KIF24: variants seen among roughly 807,000 people sequenced by gnomAD.
KIF24 encodes kinesin-like protein KIF24.
Under a neutral mutation model 118.9 loss-of-function variants are expected in KIF24, and 81 were observed. That is an observed-to-expected ratio of 0.68 (90% CI 0.57 to 0.82). The LOEUF (loss-of-function observed/expected upper bound fraction) is 0.82. Ranked by LOEUF, KIF24 falls within the 40% of genes least tolerant of loss-of-function variation. The pLI is 0.00. For missense variants in KIF24, 1,560 were observed against 1,661.6 expected (o/e 0.94, Z 1.06); for synonymous variants, 599 against 610.0 (o/e 0.98, Z 0.27).
chr9:34,257,527 G>A lies in KIF24; in HGVS notation c.2080C>T (p.Leu694=). The A allele has an allele frequency of 6.2e-7, 1 of 1,614,084 alleles. No homozygotes were observed. Among genetic ancestry groups the A allele is most frequent in the Admixed American group, 1.7e-5 (1 of 60,036 alleles). Residue 694 remains leucine (L), a synonymous_variant, in exon 11 of 13, where the codon CTA becomes TTA. Coordinates refer to ENST00000402558, the MANE Select transcript of KIF24 (RefSeq NM_194313.4). The part of the protein sequence containing the change: ...ESRASGPGEG[L]VRGKLSTKCK... The stretch of plus-strand genomic sequence containing the variant: ...TTGGTGGACAGCTTACCACGCACTA[G>A]GCCTTCTCCTGGGCCTGAGGCCCTG...
Position 34,290,159 on chromosome 9 carries a change from A to C in KIF24, c.1127+15T>G. 1 of 1,492,458 alleles carries C rather than the reference A, an allele frequency of 6.7e-7. No homozygotes were observed. The highest frequency in any genetic ancestry group is 9.3e-7 in the Non-Finnish European group (1 of 1,071,218). The allele number at this position is 1,492,458 out of a possible 1,614,324, so 92.5% of individuals were successfully genotyped here. On this transcript the variant is annotated intron_variant, in intron 5 of 12. Coordinates refer to ENST00000402558, the MANE Select transcript of KIF24 (RefSeq NM_194313.4). The stretch of plus-strand genomic sequence containing the variant: ...GCGATGAACAGATTTATCGCTTCCC[A>C]CTCATATTCAGTACCTTTTTCTTCT...
rs1040731595 is a variant in KIF24 at position 34,257,066 on chromosome 9, G to A, written c.2541C>T (p.Thr847=). Residue 847 remains threonine, a synonymous_variant, in exon 11 of 13, where the codon ACC becomes ACT. Transcript: ENST00000402558. ...SSQRATKQRN[T]LENSEDSFFL... is the part of the protein sequence containing the mutation. ...AGAATGAGTCTTCGCTATTCTCCAG[G>A]GTGTTCCTTTGCTTTGTGGCCCTCT... 2 of 1,613,982 alleles carry A rather than the reference G, an allele frequency of 1.2e-6. No individual in the cohort carries two copies. The highest frequency in any genetic ancestry group is 1.7e-6 in the Non-Finnish European group (2 of 1,179,896).
intron 8 of KIF24, among the ~76,000 whole-genome samples, chr9:34,268,342 T>C (rs1017636387): frequency 6.6e-6 from 1 of 151,878 alleles, no homozygotes; most frequent in Non-Finnish European, 1.5e-5. Flanking sequence ...TTTTGGTTAT[T>C]TTTAGTAGAG....
At position 34,260,008 on chromosome 9, in the gene KIF24, TG is replaced by T. The variant is rs556714873; in HGVS notation, c.1516-304del. Among the ~76,000 whole-genome samples the T allele has an allele frequency of 9.9e-4, 151 of 152,258 alleles. 1 individual carries two copies. Among genetic ancestry groups the T allele is most frequent in the African/African-American group, 3.2e-3 (134 of 41,546 alleles). On this transcript the variant is annotated intron_variant, in intron 9 of 12. Coordinates refer to ENST00000402558, the MANE Select transcript of KIF24 (RefSeq NM_194313.4). ...AAATGAGTACTCTTCTACGCTAGCA[TG>T]TACCATGAACTGGACAAGCTTTCCA...
At chr9:34,307,860 G>GAAAAAAAAAAA (rs57149308) in intron 2 of KIF24, among the ~76,000 whole-genome samples, 1 of 113,988 alleles carries the variant, frequency 8.8e-6, no homozygotes, top group Non-Finnish European at 1.7e-5. Flanking sequence ...GACTCTGTCT[G>GAAAAAAAAAAA]AAAAAAAAAA....
In KIF24 at chr9:34,255,052, G is replaced by T; in HGVS notation, c.3966+20C>A. ...GGCTAATTCCCAACAGCCTGTGAGT[G>T]TCCAGCCAGGGCTACTTACATTAGA... On this transcript the variant is annotated intron_variant, in intron 12 of 12. Coordinates refer to ENST00000402558, the MANE Select transcript of KIF24 (RefSeq NM_194313.4). 6.6e-7 allele frequency: 1 copy of T among 1,517,052 alleles called. No individual in the cohort carries two copies. Among genetic ancestry groups the T allele is most frequent in the Non-Finnish European group, 9.0e-7 (1 of 1,109,938 alleles). The allele number at this position is 1,517,052 out of a possible 1,614,324, so 94.0% of individuals were successfully genotyped here.
chr9:34,298,915 C>T (rs1430784821), intron 3 of KIF24, among the ~76,000 whole-genome samples: 1 of 151,918 alleles, frequency 6.6e-6, no homozygotes, highest in Non-Finnish European at 1.5e-5. Context: ...TGAAAAATCA[C>T]AGTAATTTGG....
rs1837395727 is a variant in KIF24 at position 34,318,339 on chromosome 9, A to G, written c.-25-6968T>C. The G allele has an allele frequency of 2.8e-5, 12 of 425,102 alleles. No individual in the cohort carries two copies. Among genetic ancestry groups the G allele is most frequent in the South Asian group, 2.3e-4 (12 of 52,812 alleles). The allele number at this position is 425,102 out of a possible 1,614,324, so 26.3% of individuals were successfully genotyped here. On this transcript the variant is annotated intron_variant, in intron 1 of 12. Transcript: ENST00000402558. The surrounding 1 kb of genome is among the most constrained non-coding windows in gnomAD (Gnocchi z 4.9). ...TCTTGGAGCCAGCCCAGCCCAACCCAGCCCAACCCAGCTTGACCTAGCCCT... is the reference window on the plus strand; with the variant it reads ...TCTTGGAGCCAGCCCAGCCCAACCCGGCCCAACCCAGCTTGACCTAGCCCT...
upstream of KIF24, among the ~76,000 whole-genome samples, chr9:34,331,644 G>A (rs974489674): frequency 1.3e-5 from 2 of 152,138 alleles, no homozygotes; most frequent in African/African-American, 4.8e-5. Flanking sequence ...AATTTTCACC[G>A]TGGTCTTGGT....
upstream of KIF24, among the ~76,000 whole-genome samples, chr9:34,330,757 C>T (rs1047813530): frequency 6.6e-6 from 1 of 152,018 alleles, no homozygotes; most frequent in Non-Finnish European, 1.5e-5. Flanking sequence ...GTCAGGAGAT[C>T]GAGACCATCC....
intron 6 of KIF24, among the ~76,000 whole-genome samples, chr9:34,280,832 G>T (rs555017828): frequency 1.1e-3 from 162 of 152,174 alleles, no homozygotes; most frequent in Middle Eastern, 0.01. Flanking sequence ...CTTAGAAAAA[G>T]ATATATACCA....
At chr9:34,293,652 T>TGCA (rs1836344400) in intron 4 of KIF24, among the ~76,000 whole-genome samples, 1 of 152,032 alleles carries the variant, frequency 6.6e-6, no homozygotes, top group African/African-American at 2.4e-5. Flanking sequence ...GGCGGGCACC[T>TGCA]GCAGTCCCAG....
chr9:34,257,289 T>G lies in KIF24; in HGVS notation c.2318A>C (p.Gln773Pro). ...HLRFYHQQFQ[Q>P]PPLLQQKLKY... ...TAACTTCTGTTGGAGGAGAGGTGGCTGTTGGAACTGCTGGTGATAGAAACG... is the reference window on the plus strand; with the variant it reads ...TAACTTCTGTTGGAGGAGAGGTGGCGGTTGGAACTGCTGGTGATAGAAACG... Residue 773 changes from glutamine to proline, a missense_variant, in exon 11 of 13, where the codon CAG becomes CCG. By Grantham distance (76) the Gln-to-Pro change is moderately conservative (BLOSUM62 -1). Transcript: ENST00000402558. 1 of 1,614,070 alleles carries G rather than the reference T, an allele frequency of 6.2e-7. No homozygotes were observed.
Position 34,318,813 on chromosome 9 carries a change from C to T in KIF24, c.-25-7442G>A. The T allele has an allele frequency of 6.4e-7, 1 of 1,572,784 alleles. No individual in the cohort carries two copies. The highest frequency in any genetic ancestry group is 1.3e-5 in the African/African-American group (1 of 74,378). On this transcript the variant is annotated intron_variant, in intron 1 of 12. Transcript: ENST00000402558. This position sits in a 1 kb window ranked among gnomAD's most constrained non-coding sequence, Gnocchi z 4.9. The stretch of plus-strand genomic sequence containing the variant: ...AAGCTGTGCAGTCGCCTGTAGGGAC[C>T]CAGCTCAGTGAGTTTCGCTGATGAC...
At chr9:34,286,501 T>C in intron 6 of KIF24, 116 bp downstream of exon 6, 3 of 678,562 alleles carry the variant, frequency 4.4e-6, no homozygotes, top group Admixed American at 2.4e-5. Context: ...AGTGGTGGGC[T>C]TGTCATTGCC....
At position 34,256,804 on chromosome 9, in the gene KIF24, G is replaced by C; in HGVS notation, c.2803C>G (p.Leu935Val). 6.2e-7 allele frequency: 1 copy of C among 1,613,980 alleles called. No individual in the cohort carries two copies. Residue 935 changes from leucine (L) to valine (V), a missense_variant, in exon 11 of 13, where the codon CTG becomes GTG. This residue lies in a region of KIF24 where 591 missense variants were observed against 655.6 expected (regional missense o/e 0.90). Coordinates refer to ENST00000402558, the MANE Select transcript of KIF24 (RefSeq NM_194313.4). ...TSSGPSPRDS[L>V]AEKPYCSQVD... ...TGTGAACAGTATGGCTTCTCTGCCA[G>C]GCTGTCTCTGGGAGAAGGCCCTGAG...
intron 4 of KIF24, among the ~76,000 whole-genome samples, chr9:34,291,113 C>T (rs1291486341): frequency 1.3e-5 from 2 of 152,068 alleles, no homozygotes. Context: ...CGAGAAATAA[C>T]AGGAGATCAT....
At chr9:34,297,540 A>T (rs565338282) in intron 3 of KIF24, among the ~76,000 whole-genome samples, 22 of 152,284 alleles carry the variant, frequency 1.4e-4, no homozygotes, top group African/African-American at 5.1e-4. Flanking sequence ...AGGCCAGCAG[A>T]TCACAAGGTC....
At chr9:34,331,270 T>A (rs540887843), upstream of KIF24, among the ~76,000 whole-genome samples, 91 of 152,354 alleles carry the variant, frequency 6.0e-4, 1 homozygote, top group South Asian at 0.019. Flanking sequence ...AGCTTTTTGA[T>A]GATCTTTTAT....
Sources: allele counts gnomAD v4.1 joint callset (sites outside exome capture counted in the v4.1 genomes callset), GRCh38; gene constraint gnomAD v4.1.1; regional missense constraint gnomAD v4.1.1; non-coding constraint Gnocchi (gnomAD v3.1); transcripts MANE v1.5; gene names NCBI Gene and HGNC (gene_info 2026-07-23, HGNC 2026-07-21).